The following SMYD3 variants were observed in gnomAD, a reference collection of about 807,000 sequenced individuals.
SMYD3 encodes the protein histone-lysine N-methyltransferase SMYD3.
Under a neutral mutation model 57.7 loss-of-function variants are expected in SMYD3, and 36 were observed. That is an observed-to-expected ratio of 0.62 (90% CI 0.48 to 0.82). SMYD3 has a LOEUF of 0.82. SMYD3 is among the 40% of genes least tolerant of loss of function. The probability of loss-of-function intolerance (pLI) is 0.00; values close to 1 mark genes in which losing one functional copy is unlikely to be tolerated. For missense variants in SMYD3, 515 were observed against 538.8 expected, an observed-to-expected ratio of 0.96 and a Z score of 0.44; for synonymous variants, 211 against 195.0, an observed-to-expected ratio of 1.08 and a Z score of -0.68.
intron 5 of SMYD3, among the ~76,000 whole-genome samples, chr1:246,157,656 C>A (rs2062043072): frequency 6.6e-6 from 1 of 152,082 alleles, no homozygotes; most frequent in South Asian, 2.1e-4. Context: ...CTTTTTTCCC[C>A]CCCATAGGTC....
In SMYD3 at chr1:245,882,598, A is replaced by AAAAT. The variant is rs112549379; in HGVS notation, c.814-18716_814-18713dup. ...TCTCAGTCAACAATTTAATGACTAC[A>AAAAT]AAATAAATAAATAAATGCACTAGTG... On this transcript the variant is annotated intron_variant, in intron 8 of 11. Coordinates refer to ENST00000490107, the MANE Select transcript of SMYD3 (RefSeq NM_001167740.2). 4.0e-3 allele frequency among the ~76,000 whole-genome samples: 610 copies of AAAAT among 152,290 alleles called. 4 individuals are homozygous for AAAAT. Among genetic ancestry groups the AAAAT allele is most frequent in the African/African-American group, 0.014 (575 of 41,542 alleles).
At chr1:246,468,608 T>A (rs2067913918) in intron 1 of SMYD3, among the ~76,000 whole-genome samples, 1 of 151,868 alleles carries the variant, frequency 6.6e-6, no homozygotes, top group Non-Finnish European at 1.5e-5. Flanking sequence ...ACCACTGCAC[T>A]CCAGCCTGGG....
At chr1:246,451,508 CA>C (rs1202637934) in intron 1 of SMYD3, among the ~76,000 whole-genome samples, 1 of 152,088 alleles carries the variant, frequency 6.6e-6, no homozygotes, top group Admixed American at 6.5e-5. Flanking sequence ...ATGTAGGGCA[CA>C]GGGGATTCAG....
chr1:246,481,772 G>GATAT (rs1051298885), intron 1 of SMYD3, among the ~76,000 whole-genome samples: 1 of 137,550 alleles, frequency 7.3e-6, no homozygotes, highest in African/African-American at 3.1e-5. Flanking sequence ...ATCCATAGAA[G>GATAT]ATATATATAT....
intron 5 of SMYD3, among the ~76,000 whole-genome samples, chr1:246,100,325 G>A (rs915246424): frequency 6.6e-6 from 1 of 152,260 alleles, no homozygotes; most frequent in African/African-American, 2.4e-5. Context: ...CAGGTAGGTA[G>A]TGAAGAAATG....
Position 245,828,570 on chromosome 1 carries a change from A to T in SMYD3, c.1076+29926T>A, listed in dbSNP as rs554799379. 5.9e-5 allele frequency among the ~76,000 whole-genome samples: 9 copies of T among 152,352 alleles called. No individual in the cohort carries two copies. In the East Asian group the frequency reaches 1.2e-3, roughly 20 times the overall value. On this transcript the variant is annotated intron_variant, in intron 10 of 11. Transcript: ENST00000490107. The stretch of plus-strand genomic sequence containing the variant: ...TGTTTAATAGACAAATAATAATTGT[A>T]CAAATTTATAGGGCATGGTGTAATG...
At chr1:245,867,283 C>T (rs2051908432) in intron 8 of SMYD3, among the ~76,000 whole-genome samples, 1 of 152,202 alleles carries the variant, frequency 6.6e-6, no homozygotes, top group South Asian at 2.1e-4. Context: ...GGAAGGCAGC[C>T]TTGCCCACAC....
At chr1:246,457,545 A>AAG (rs72178709) in intron 1 of SMYD3, among the ~76,000 whole-genome samples, 2 of 70,440 alleles carry the variant, frequency 2.8e-5, no homozygotes, top group East Asian at 5.2e-4. Context: ...AAAAAAAAAA[A>AAG]AAAGAAAAGA....
intron 11 of SMYD3, among the ~76,000 whole-genome samples, chr1:245,761,624 G>A (rs868527657): frequency 1.3e-5 from 2 of 152,120 alleles, no homozygotes; most frequent in Middle Eastern, 3.4e-3. Context: ...TCATGGGTTC[G>A]GTTAGATCTT....
chr1:246,018,083 AG>A (rs2059407706), intron 5 of SMYD3, among the ~76,000 whole-genome samples: 1 of 152,144 alleles, frequency 6.6e-6, no homozygotes, highest in African/African-American at 2.4e-5. Flanking sequence ...GTCCCAGACT[AG>A]GTGTGCACTA....
At chr1:245,849,816 C>T (rs2050868206) in intron 10 of SMYD3, among the ~76,000 whole-genome samples, 1 of 152,044 alleles carries the variant, frequency 6.6e-6, no homozygotes, top group African/African-American at 2.4e-5. Context: ...CCTCTCCCAG[C>T]TAATCTTCAC....
chr1:246,506,938 T>G, intron 1 of SMYD3, 116 bp downstream of exon 1: 1 of 999,206 alleles, frequency 1.0e-6, no homozygotes, highest in Non-Finnish European at 1.4e-6. Flanking sequence ...ACCGCCAAGC[T>G]GCCTGTGCAG....
chr1:246,456,634 ATTATAAC>A (rs1000802274), intron 1 of SMYD3, among the ~76,000 whole-genome samples: 3 of 152,196 alleles, frequency 2.0e-5, no homozygotes, highest in Non-Finnish European at 4.4e-5. Context: ...AGCACCATTT[ATTATAAC>A]TTATATTTTC....
intron 5 of SMYD3, among the ~76,000 whole-genome samples, chr1:246,002,907 G>A (rs896580537): frequency 2.0e-5 from 3 of 152,250 alleles, no homozygotes; most frequent in Middle Eastern, 3.4e-3. Flanking sequence ...GAGCCTCCGC[G>A]CCCGGCCACC....
At chr1:246,417,932 C>T (rs2067086734) in intron 1 of SMYD3, among the ~76,000 whole-genome samples, 1 of 152,218 alleles carries the variant, frequency 6.6e-6, no homozygotes, top group Non-Finnish European at 1.5e-5. Flanking sequence ...GCTTGACCTA[C>T]ACCCAGGAAT....
chr1:245,938,088 G>C (rs1326001372), intron 5 of SMYD3, among the ~76,000 whole-genome samples: 1 of 152,212 alleles, frequency 6.6e-6, no homozygotes, highest in African/African-American at 2.4e-5. Flanking sequence ...GCGTGCTGAG[G>C]TTCCTTTCAC....
At chr1:245,764,474 A>C (rs1294654381) in intron 10 of SMYD3, among the ~76,000 whole-genome samples, 1 of 152,102 alleles carries the variant, frequency 6.6e-6, no homozygotes, top group Non-Finnish European at 1.5e-5. Context: ...AACAGGTGCT[A>C]ATCTCCTCCT....
In SMYD3 at chr1:246,271,792, C is replaced by T. The variant is rs549255834; in HGVS notation, c.531+55409G>A. Among the ~76,000 whole-genome samples the T allele has an allele frequency of 2.0e-5, 3 of 152,182 alleles. No individual in the cohort carries two copies. In the East Asian group the frequency reaches 5.8e-4, roughly 29 times the overall value. On this transcript the variant is annotated intron_variant, in intron 5 of 11. Coordinates refer to ENST00000490107, the MANE Select transcript of SMYD3 (RefSeq NM_001167740.2). Reference sequence around the variant, plus strand: ...AGCTATTTGGAGTCCCTCAAGATTCCATATAAATTTTAGATTTTTTTTTCC... The same window carrying T: ...AGCTATTTGGAGTCCCTCAAGATTCTATATAAATTTTAGATTTTTTTTTCC...
chr1:245,910,621 C>A (rs1382287250), intron 8 of SMYD3, among the ~76,000 whole-genome samples: 1 of 151,974 alleles, frequency 6.6e-6, no homozygotes, highest in African/African-American at 2.4e-5. Flanking sequence ...AGAAACAAAT[C>A]CACACATTTA....
Sources: gnomAD v4.1 joint callset for allele counts (sites outside exome capture counted in the v4.1 genomes callset) on GRCh38, gnomAD v4.1.1 for gene constraint, MANE v1.5 for transcripts, NCBI Gene and HGNC (gene_info 2026-07-23, HGNC 2026-07-21) for gene names.